FHAD1: variants seen among roughly 807,000 people sequenced by gnomAD.
FHAD1 encodes forkhead-associated domain-containing protein 1.
In FHAD1, 146 loss-of-function variants were observed where a neutral mutation model predicts 191.3. The observed-to-expected ratio is 0.76, with a 90% CI of 0.67 to 0.88. FHAD1 has a LOEUF of 0.88. Among genes scored for constraint, FHAD1 ranks in the 40% least tolerant of loss-of-function variants. The pLI, the probability that FHAD1 is intolerant of heterozygous loss-of-function variation, is 0.00. For synonymous variants in FHAD1, 616 were observed against 672.3 expected (o/e 0.92, Z 1.29); for missense variants, 1,635 against 1,785.8 (o/e 0.92, Z 1.52).
chr1:15,375,616 C>A lies in FHAD1; in HGVS notation c.3591C>A (p.His1197Gln). The A allele has an allele frequency of 6.5e-7, 1 of 1,534,500 alleles. No individual in the cohort carries two copies. The highest frequency in any genetic ancestry group is 2.2e-5 in the Admixed American group (1 of 46,018). ...EKARSPDHKDHQNESFLDLKN... is the reference protein window; with the variant it reads ...EKARSPDHKDQQNESFLDLKN... ...TTTCTTTTACAGATCATAAAGACCA[C>A]CAGAATGAATCATTTCTAGATTTAA... The change falls in exon 28 of 34, where the codon CAC (histidine) becomes CAA (glutamine). Residue 1197 changes from histidine (H) to glutamine (Q), a missense_variant. Physicochemically the swap from His to Gln is conservative, Grantham distance 24 (BLOSUM62 0). Coordinates refer to ENST00000688493, the MANE Select transcript of FHAD1 (RefSeq NM_001391957.1).
intron 29 of FHAD1, 32 bp downstream of exon 29, chr1:15,380,828 TCCAAAG>T (rs772597587): frequency 3.6e-4 from 560 of 1,536,288 alleles, no homozygotes; most frequent in Admixed American, 1.3e-3. Context: ...CCTGCTCCTA[TCCAAAG>T]CCTGGGGCCC....
rs1200221083 is a variant in FHAD1, at chr1:15,376,049, A to AT, written c.3705+322dup. Reference sequence around the variant, plus strand: ...TTTTATTTTTATTTATTTTTATTTTATTTATTTATTTATTTATTTATTTAT... The same window carrying AT: ...TTTTATTTTTATTTATTTTTATTTTATTTTATTTATTTATTTATTTATTTAT... On this transcript the variant is annotated intron_variant, in intron 28 of 33. Transcript: ENST00000688493. Among the ~76,000 whole-genome samples, 7 of 79,400 alleles carry AT rather than the reference A, an allele frequency of 8.8e-5. No homozygotes were observed. In the South Asian group the frequency reaches 2.6e-3, roughly 30 times the overall value. 52.1% of individuals were successfully genotyped at this position (79,400 alleles called of 152,430 possible).
intron 3 of FHAD1, among the ~76,000 whole-genome samples, chr1:15,283,167 C>T (rs1240367184): frequency 6.6e-6 from 1 of 152,190 alleles, no homozygotes; most frequent in South Asian, 2.1e-4. Context: ...TGGGTCATTG[C>T]CATGGAAAGG....
At chr1:15,328,462 T>G (rs1397425796) in intron 13 of FHAD1, 33 bp downstream of exon 13, 1 of 1,367,320 alleles carries the variant, frequency 7.3e-7, no homozygotes, top group Non-Finnish European at 9.5e-7. Context: ...ACAAATGGTC[T>G]CTTTGTCTAA....
At chr1:15,365,440 G>A (rs566651372) in intron 23 of FHAD1, among the ~76,000 whole-genome samples, 12 of 147,744 alleles carry the variant, frequency 8.1e-5, no homozygotes, top group South Asian at 4.3e-4. Context: ...TCAGCCTCCC[G>A]AGTAGCTGGG....
intron 33 of FHAD1, among the ~76,000 whole-genome samples, chr1:15,392,259 G>A (rs533167918): frequency 1.4e-4 from 21 of 152,350 alleles, no homozygotes; most frequent in Admixed American, 9.8e-4. Context: ...CAGGCCAGGC[G>A]TGGTGGCTCA....
intron 6 of FHAD1, among the ~76,000 whole-genome samples, chr1:15,301,755 C>T (rs916064118): frequency 3.9e-5 from 6 of 152,176 alleles, no homozygotes; most frequent in African/African-American, 1.2e-4. Context: ...AGGCCGGGCG[C>T]TGTGGCTCAC....
chr1:15,305,200 G>C (rs1002524431), intron 6 of FHAD1, among the ~76,000 whole-genome samples: 5 of 152,110 alleles, frequency 3.3e-5, no homozygotes, highest in African/African-American at 4.8e-5. Context: ...AGCCAGGCAT[G>C]GTCTATGTAC....
At position 15,381,742 on chromosome 1, in the gene FHAD1, AT is replaced by A. The variant is rs3835221; in HGVS notation, c.4023-284del. On this transcript the variant is annotated intron_variant, in intron 30 of 33. Transcript: ENST00000688493. This position sits in a 1 kb window ranked among gnomAD's most constrained non-coding sequence, Gnocchi z 4.6. ...ACTTATGGTTTCCCAGTTGTGTAGC[AT>A]TGACAGCTCCGTCATATTTTCAAGA... Among the ~76,000 whole-genome samples the A allele has an allele frequency of 0.22, 33,623 of 151,826 alleles. 3,895 individuals are homozygous for A. Among genetic ancestry groups the A allele is most frequent in the Middle Eastern group, 0.36 (105 of 294 alleles).
chr1:15,251,535 T>C (rs2100776502), intron 1 of FHAD1, among the ~76,000 whole-genome samples: 1 of 152,004 alleles, frequency 6.6e-6, no homozygotes, highest in East Asian at 1.9e-4. Flanking sequence ...ATGCCCTCTG[T>C]TTGATTATTA....
At chr1:15,308,875 A>G in intron 7 of FHAD1, 139 bp downstream of exon 7, 1 of 1,309,746 alleles carries the variant, frequency 7.6e-7, no homozygotes, top group Non-Finnish European at 1.0e-6. Context: ...GCAGCCCTTT[A>G]GGCAGTTCCT....
In FHAD1 at chr1:15,381,447, C is replaced by T. The variant is rs1336715234; in HGVS notation, c.4018C>T (p.Leu1340Phe). Residue 1340 changes from leucine to phenylalanine, a missense_variant, in exon 30 of 34, where the codon CTC (leucine) becomes TTC (phenylalanine). Physicochemically the swap from Leu to Phe is conservative, Grantham distance 22. Coordinates refer to ENST00000688493, the MANE Select transcript of FHAD1 (RefSeq NM_001391957.1). This position sits in a 1 kb window ranked among gnomAD's most constrained non-coding sequence, Gnocchi z 4.6. Reference protein sequence around the residue: ...LRGYEKDVEQLRRSKVSIEMY... With the variant: ...LRGYEKDVEQFRRSKVSIEMY... ...AGGATATGAAAAGGACGTTGAACAG[C>T]TCAGGTACCTCGGCACCCCCATGTC... 2.6e-6 allele frequency: 4 copies of T among 1,550,618 alleles called. No individual in the cohort carries two copies. The highest frequency in any genetic ancestry group is 3.5e-6 in the Non-Finnish European group (4 of 1,146,564).
intron 3 of FHAD1, among the ~76,000 whole-genome samples, chr1:15,273,336 A>G (rs1251841761): frequency 6.6e-6 from 1 of 152,140 alleles, no homozygotes; most frequent in Non-Finnish European, 1.5e-5. Context: ...TTTAAAATGC[A>G]GCTTTATTGA....
rs757585649 is a variant in FHAD1, at chr1:15,329,505, C to T, written c.1870C>T (p.Arg624Trp). 11 of 1,550,814 alleles carry T rather than the reference C, an allele frequency of 7.1e-6. No individual in the cohort carries two copies. Among genetic ancestry groups the T allele is most frequent in the East Asian group, 2.4e-5 (1 of 40,914 alleles). ...GCTGGAGGAGGTGGAGCAGCTCCTC[C>T]GGGACCTCGGGATCCTGCCCTCCAG... ...SWLEEVEQLL[R>W]DLGILPSSPN... Residue 624 changes from arginine (R) to tryptophan (W), a missense_variant, in exon 14 of 34, where the codon CGG (arginine) becomes TGG (tryptophan). Physicochemically the swap from Arg to Trp is moderately radical, Grantham distance 101 (BLOSUM62 -3). Transcript: ENST00000688493. This position sits in a 1 kb window ranked among gnomAD's most constrained non-coding sequence, Gnocchi z 5.0.
At chr1:15,282,956 A>T (rs1206020773) in intron 3 of FHAD1, among the ~76,000 whole-genome samples, 1 of 152,208 alleles carries the variant, frequency 6.6e-6, no homozygotes, top group Non-Finnish European at 1.5e-5. Context: ...GTGAGACAGC[A>T]CCTTTTATGG....
chr1:15,314,646 GGGGT>G (rs1673490583), intron 8 of FHAD1: 1 of 18,954 alleles, frequency 5.3e-5, no homozygotes, highest in African/African-American at 1.4e-4. Context: ...TGGGTGTGTG[GGGGT>G]ATGGATGTGT....
At chr1:15,246,270 C>T (rs1215253011), upstream of FHAD1, among the ~76,000 whole-genome samples, 1 of 152,192 alleles carries the variant, frequency 6.6e-6, no homozygotes, top group African/African-American at 2.4e-5. Flanking sequence ...CCACCAGGCC[C>T]CTCTTCCAAC....
At chr1:15,291,648 TAC>T (rs923034097) in intron 4 of FHAD1, among the ~76,000 whole-genome samples, 8 of 152,338 alleles carry the variant, frequency 5.3e-5, no homozygotes, top group African/African-American at 1.9e-4. Flanking sequence ...TGCGTTATCT[TAC>T]ACAGTTTCTG....
Position 15,289,692 on chromosome 1 carries a change from G to A in FHAD1, c.568+26G>A, listed in dbSNP as rs1239396601. On this transcript the variant is annotated intron_variant, in intron 4 of 33. Transcript: ENST00000688493. The surrounding 1 kb of genome is among the most constrained non-coding windows in gnomAD (Gnocchi z 4.2). ...GTATGCGTCAGGGCTGCCATTGGTG[G>A]CTTGGGGGTGGTTCACGGCCATGTG... 8 of 1,530,124 alleles carry A rather than the reference G, an allele frequency of 5.2e-6. No individual in the cohort carries two copies. The East Asian group carries it at 1.5e-4, about 28-fold the overall frequency. 94.8% of individuals were successfully genotyped at this position (1,530,124 alleles called of 1,614,324 possible).
Sources: gnomAD v4.1 joint callset for allele counts (sites outside exome capture counted in the v4.1 genomes callset) on GRCh38, gnomAD v4.1.1 for gene constraint, Gnocchi (gnomAD v3.1) non-coding constraint, MANE v1.5 for transcripts, NCBI Gene and HGNC (gene_info 2026-07-23, HGNC 2026-07-21) for gene names.